ATG2B: variants seen among roughly 807,000 people sequenced by gnomAD.
ATG2B encodes the protein autophagy related 2B, also known as autophagy-related protein 2 homolog B.
In ATG2B, 121 loss-of-function variants were observed where a neutral mutation model predicts 241.3. The observed-to-expected ratio is 0.50, with a 90% CI of 0.43 to 0.58. The LOEUF is 0.58. ATG2B is among the 20% of genes least tolerant of loss of function. The pLI, the probability that ATG2B is intolerant of heterozygous loss-of-function variation, is 0.00. For missense variants in ATG2B, 2,306 were observed against 2,491.6 expected, an observed-to-expected ratio of 0.93 and a Z score of 1.59; for synonymous variants, 858 against 876.6, an observed-to-expected ratio of 0.98 and a Z score of 0.37.
rs533842941 is a variant in ATG2B, at chr14:96,281,986, A to T, written c.*3769T>A. The T allele has an allele frequency of 6.6e-6, 1 of 152,360 alleles. No homozygotes were observed. Among genetic ancestry groups the T allele is most frequent in the South Asian group, 2.1e-4 (1 of 4,828 alleles). The allele number at this position is 152,360 out of a possible 1,614,324, so 9.4% of individuals were successfully genotyped here. On this transcript the variant is annotated 3_prime_UTR_variant, in exon 42 of 42. Transcript: ENST00000359933. ...ATAATGGGGGGAAATACTTCTGAAT[A>T]AAAACATTGGCTGACTTGCAACTGT... is the stretch of plus-strand genomic sequence containing the variant.
At chr14:96,343,913 T>C (rs747494820) in intron 4 of ATG2B, among the ~76,000 whole-genome samples, 7 of 152,262 alleles carry the variant, frequency 4.6e-5, no homozygotes, top group Non-Finnish European at 8.8e-5. Flanking sequence ...GACAGAAATC[T>C]TAACACAGCT....
intron 1 of ATG2B, among the ~76,000 whole-genome samples, chr14:96,355,260 T>C (rs995878372): frequency 6.6e-6 from 1 of 152,256 alleles, no homozygotes. Context: ...AGGGTTTTTA[T>C]AGCTTGGGGT....
In ATG2B at chr14:96,341,705, C is replaced by T. The variant is rs765686154; in HGVS notation, c.745-4G>A. 1 of 1,516,372 alleles carries T rather than the reference C, an allele frequency of 6.6e-7. No individual in the cohort carries two copies. Among genetic ancestry groups the T allele is most frequent in the Non-Finnish European group, 8.8e-7 (1 of 1,131,364 alleles). 93.9% of individuals were successfully genotyped at this position (1,516,372 alleles called of 1,614,324 possible). ...GTGAGAGCTTTGGCTCAGTTTCCTA[C>T]AATAAAGTGACAAAAATAATTATTT... On this transcript the variant is annotated splice_region_variant and splice_polypyrimidine_tract_variant and intron_variant, in intron 5 of 41. Transcript: ENST00000359933.
In ATG2B at chr14:96,352,213, T is replaced by C. The variant is rs1197802443; in HGVS notation, c.163-4872A>G. On this transcript the variant is annotated intron_variant, in intron 1 of 41. Transcript: ENST00000359933. ...CAACACATTACTCACATGTCTGTGG[T>C]GATGCTGGTGTAAATAAACCTCTTG... 1.3e-5 allele frequency among the ~76,000 whole-genome samples: 2 copies of C among 152,166 alleles called. 1 individual carries two copies.
chr14:96,326,504 CTA>C (rs1308862076), intron 14 of ATG2B, among the ~76,000 whole-genome samples: 1 of 152,098 alleles, frequency 6.6e-6, no homozygotes, highest in East Asian at 1.9e-4. Context: ...TCAAATGGTT[CTA>C]TGAGACCAAG....
chr14:96,331,736 G>C, intron 10 of ATG2B, 99 bp from the exon 11 acceptor site: 2 of 950,090 alleles, frequency 2.1e-6, no homozygotes, highest in Non-Finnish European at 3.1e-6. Context: ...AAAAACAGAT[G>C]ATCATACAAC....
intron 1 of ATG2B, among the ~76,000 whole-genome samples, chr14:96,353,642 T>TTATA (rs142823425): frequency 0.016 from 2,007 of 126,788 alleles, 24 homozygotes; most frequent in Middle Eastern, 0.033. Context: ...ATTTCATATT[T>TTATA]TATATATATA....
At position 96,285,155 on chromosome 14, in the gene ATG2B, G is replaced by A. The variant is rs1291757363; in HGVS notation, c.*600C>T. 1.3e-5 allele frequency: 2 copies of A among 152,446 alleles called. No individual in the cohort carries two copies. Among genetic ancestry groups the A allele is most frequent in the East Asian group, 1.9e-4 (1 of 5,196 alleles). The allele number at this position is 152,446 out of a possible 1,614,324, so 9.4% of individuals were successfully genotyped here. ...TAAAAACACATACACATAAACACAGGATAAAGTGCAACACAACAGAACATG... is the reference window on the plus strand; with the variant it reads ...TAAAAACACATACACATAAACACAGAATAAAGTGCAACACAACAGAACATG... On this transcript the variant is annotated 3_prime_UTR_variant, in exon 42 of 42. Coordinates refer to ENST00000359933, the MANE Select transcript of ATG2B (RefSeq NM_018036.7). The surrounding 1 kb of genome is among the most constrained non-coding windows in gnomAD (Gnocchi z 4.2).
rs1242259738 is a variant in ATG2B at position 96,292,456 on chromosome 14, T to C, written c.5427-358A>G. ...TACAAAAATTTATTCTTATATATAT[T>C]CACAATTCATTCAAAGAATAAATTA... On this transcript the variant is annotated intron_variant, in intron 36 of 41. Transcript: ENST00000359933. Among the ~76,000 whole-genome samples the C allele has an allele frequency of 5.3e-5, 8 of 152,290 alleles. No individual in the cohort carries two copies. The East Asian group carries it at 1.2e-3, about 22-fold the overall frequency.
In ATG2B at chr14:96,303,220, T is replaced by A; in HGVS notation, c.4878A>T (p.Lys1626Asn). The A allele has an allele frequency of 6.2e-7, 1 of 1,605,360 alleles. No homozygotes were observed. The highest frequency in any genetic ancestry group is 8.5e-7 in the Non-Finnish European group (1 of 1,175,354). The change falls in exon 33 of 42, where the codon AAA becomes AAT. Residue 1626 changes from lysine (K) to asparagine (N), a missense_variant. Lys to Asn is a moderately conservative substitution (Grantham distance 94). Transcript: ENST00000359933. ...CTGAGAGGCTGGAATCACAATCAGG[T>A]TTGCATGGCGGGTAGACTTCATGCT... is the stretch of plus-strand genomic sequence containing the variant. The part of the protein sequence containing the change: ...KFQHEVYPPC[K>N]PDCDSSLSEH...
Position 96,285,601 on chromosome 14 carries a change from G to C in ATG2B, c.*154C>G, listed in dbSNP as rs1886312213. The C allele has an allele frequency of 1.5e-6, 1 of 683,288 alleles. No individual in the cohort carries two copies. Among genetic ancestry groups the C allele is most frequent in the Admixed American group, 2.9e-5 (1 of 34,244 alleles). 42.3% of individuals were successfully genotyped at this position (683,288 alleles called of 1,614,324 possible). On this transcript the variant is annotated 3_prime_UTR_variant, in exon 42 of 42. Transcript: ENST00000359933. The surrounding 1 kb of genome is among the most constrained non-coding windows in gnomAD (Gnocchi z 4.2). ...CTATAAATGTCAGAAGTTTTTGGTTGCATGTTGTTTTGATGTTAAATTATT... is the reference window on the plus strand; with the variant it reads ...CTATAAATGTCAGAAGTTTTTGGTTCCATGTTGTTTTGATGTTAAATTATT...
At chr14:96,340,270 A>G (rs1013028416) in intron 6 of ATG2B, among the ~76,000 whole-genome samples, 4 of 148,804 alleles carry the variant, frequency 2.7e-5, no homozygotes, top group Non-Finnish European at 6.0e-5. Context: ...ATATGGACCC[A>G]TATATGGACC....
intron 34 of ATG2B, 106 bp downstream of exon 34, chr14:96,301,901 T>C (rs956767812): frequency 3.5e-6 from 3 of 854,576 alleles, no homozygotes; most frequent in Non-Finnish European, 3.6e-6. Context: ...GCTTTATATA[T>C]GTAACCGCCA....
Position 96,306,239 on chromosome 14 carries a change from G to T in ATG2B, c.4507-424C>A, listed in dbSNP as rs561178863. Among the ~76,000 whole-genome samples, 28 of 152,228 alleles carry T rather than the reference G, an allele frequency of 1.8e-4. No homozygotes were observed. In the Middle Eastern group the frequency reaches 0.014, roughly 74 times the overall value. The stretch of plus-strand genomic sequence containing the variant: ...GGATTTTTAAAAATTTAACCAGAAG[G>T]TTCTCAGAACTTTGTAAACAAATAC... On this transcript the variant is annotated intron_variant, in intron 30 of 41. Coordinates refer to ENST00000359933, the MANE Select transcript of ATG2B (RefSeq NM_018036.7).
At chr14:96,355,496 T>G (rs1390103481) in intron 1 of ATG2B, among the ~76,000 whole-genome samples, 7 of 152,176 alleles carry the variant, frequency 4.6e-5, no homozygotes, top group Admixed American at 4.6e-4. Context: ...ACTAGCTAGC[T>G]GGGTGGCTCT....
rs1166367011 is a variant in ATG2B, at chr14:96,311,259, G to C, written c.4019C>G (p.Ser1340Cys). 6.2e-7 allele frequency: 1 copy of C among 1,613,620 alleles called. No individual in the cohort carries two copies. The highest frequency in any genetic ancestry group is 2.2e-5 in the East Asian group (1 of 44,868). Residue 1340 changes from serine (S) to cysteine (C), a missense_variant, in exon 28 of 42, where the codon TCC becomes TGC. Transcript: ENST00000359933. Reference sequence around the variant, plus strand: ...CGTTCTGATATGGACAACATCGCTGGAACAGTGTAACTCAAAGCGGGGCTC... The same window carrying C: ...CGTTCTGATATGGACAACATCGCTGCAACAGTGTAACTCAAAGCGGGGCTC... ...QTEPRFELHC[S>C]SDVVHIRTCS...
Position 96,345,303 on chromosome 14 carries a change from T to A in ATG2B, c.408A>T (p.Leu136=). 6.2e-7 allele frequency: 1 copy of A among 1,613,522 alleles called. No homozygotes were observed. The highest frequency in any genetic ancestry group is 8.5e-7 in the Non-Finnish European group (1 of 1,179,642). ...GGGATCCTTCTCCTTGTTCATCTGT[T>A]AGTTTCTGGCTAAGACATTCTTTTG... ...QLAKECLSQK[L]TDEQGEGSQP... The change falls in exon 3 of 42, where the codon CTA becomes CTT. Residue 136 remains leucine (L), a synonymous_variant. Transcript: ENST00000359933.
intron 2 of ATG2B, among the ~76,000 whole-genome samples, chr14:96,346,500 TAC>T (rs1888173578): frequency 1.3e-5 from 2 of 152,198 alleles, no homozygotes; most frequent in South Asian, 4.1e-4. Context: ...GTTTTCAAAA[TAC>T]AGAGTTTCAC....
intron 34 of ATG2B, among the ~76,000 whole-genome samples, chr14:96,301,803 C>G (rs751878568): frequency 2.0e-5 from 3 of 151,912 alleles, no homozygotes; most frequent in Non-Finnish European, 4.4e-5. Flanking sequence ...GAGTAGGAGA[C>G]TGGGGAATAA....
Sources: gnomAD v4.1 joint callset for allele counts (sites outside exome capture counted in the v4.1 genomes callset) on GRCh38, gnomAD v4.1.1 for gene constraint, Gnocchi (gnomAD v3.1) non-coding constraint, MANE v1.5 for transcripts, NCBI Gene and HGNC (gene_info 2026-07-23, HGNC 2026-07-21) for gene names.